The following PCDH15 variants were observed in gnomAD, a reference collection of about 807,000 sequenced individuals.
PCDH15 encodes the protein protocadherin related 15, also known as protocadherin-15.
A neutral mutation model predicts 178.5 loss-of-function variants in PCDH15; 129 were observed. The observed-to-expected ratio is 0.72, with a 90% CI of 0.63 to 0.84. The LOEUF is 0.84. Among genes scored for constraint, PCDH15 ranks in the 40% least tolerant of loss-of-function variants. PCDH15 has a pLI of 0.00. For synonymous variants in PCDH15, 800 were observed against 732.0 expected, an observed-to-expected ratio of 1.09 and a Z score of -1.50; for missense variants, 2,230 against 2,099.9, an observed-to-expected ratio of 1.06 and a Z score of -1.21.
rs1198736187 is a variant in PCDH15, at chr10:54,111,901, TA to T, written c.1917+20973del. 2.0e-5 allele frequency among the ~76,000 whole-genome samples: 3 copies of T among 147,540 alleles called. No homozygotes were observed. The Admixed American group carries it at 2.1e-4, about 10-fold the overall frequency. On this transcript the variant is annotated intron_variant, in intron 15 of 37. Transcript: ENST00000644397. ...CAGCAGTTTGGGAGGCCAAGGCAGG[TA>T]GATCACTTGAGGTCAGGAGTTCAAG...
chr10:54,680,613 A>T (rs1218548784), intron 1 of PCDH15, among the ~76,000 whole-genome samples: 5 of 152,156 alleles, frequency 3.3e-5, no homozygotes, highest in African/African-American at 1.2e-4. Context: ...GGGTGGGGCC[A>T]GGTGAAGATA....
intron 13 of PCDH15, among the ~76,000 whole-genome samples, chr10:54,173,228 C>A (rs1225939723): frequency 2.0e-5 from 3 of 152,020 alleles, no homozygotes; most frequent in Non-Finnish European, 2.9e-5. Flanking sequence ...ATATAATTTG[C>A]CTTTCTTCAT....
chr10:54,328,259 T>C (rs1362806903), intron 7 of PCDH15, among the ~76,000 whole-genome samples: 1 of 152,020 alleles, frequency 6.6e-6, no homozygotes, highest in Non-Finnish European at 1.5e-5. Flanking sequence ...TCTTAATGGT[T>C]TATTTTGCTT....
chr10:54,333,042 C>A (rs1940187745), intron 6 of PCDH15, among the ~76,000 whole-genome samples: 3 of 152,102 alleles, frequency 2.0e-5, no homozygotes, highest in Non-Finnish European at 2.9e-5. Flanking sequence ...CTCCTGGGTT[C>A]AAGCGATTCT....
At chr10:55,326,902 A>G (rs755811575) in intron 2 of PCDH15, among the ~76,000 whole-genome samples, 1 of 152,138 alleles carries the variant, frequency 6.6e-6, no homozygotes, top group Non-Finnish European at 1.5e-5. Context: ...AATACTTTCT[A>G]AACAAATGAT....
At chr10:54,531,743 T>C (rs1386161217) in intron 2 of PCDH15, among the ~76,000 whole-genome samples, 1 of 152,178 alleles carries the variant, frequency 6.6e-6, no homozygotes, top group Non-Finnish European at 1.5e-5. Flanking sequence ...AACTTGTGTA[T>C]TGAATTTCCT....
intron 1 of PCDH15, among the ~76,000 whole-genome samples, chr10:55,238,383 C>G (rs1841450680): frequency 6.6e-6 from 1 of 152,036 alleles, no homozygotes; most frequent in Admixed American, 6.6e-5. Context: ...ATCTCCTGAC[C>G]TCGTGATCCG....
intron 26 of PCDH15, among the ~76,000 whole-genome samples, chr10:53,877,398 A>T (rs1282861542): frequency 6.6e-6 from 1 of 152,212 alleles, no homozygotes; most frequent in African/African-American, 2.4e-5. Context: ...CTTGAGAGGA[A>T]ACACTAGTTT....
intron 13 of PCDH15, among the ~76,000 whole-genome samples, chr10:54,164,088 T>G (rs1384958277): frequency 1.3e-5 from 2 of 152,204 alleles, no homozygotes; most frequent in Admixed American, 6.5e-5. Flanking sequence ...TGCATTCATA[T>G]GCAGAAGCTT....
chr10:53,856,733 A>G (rs1419158263), intron 28 of PCDH15, among the ~76,000 whole-genome samples: 1 of 152,114 alleles, frequency 6.6e-6, no homozygotes, highest in Non-Finnish European at 1.5e-5. Context: ...AAATCTTCAC[A>G]TATTTCCAAT....
intron 2 of PCDH15, among the ~76,000 whole-genome samples, chr10:55,531,112 T>C (rs981846049): frequency 6.6e-6 from 1 of 152,008 alleles, no homozygotes; most frequent in Admixed American, 6.6e-5. Context: ...GTCTACTAGT[T>C]ACTAACTGGA....
chr10:54,410,957 T>C (rs1318003535), intron 3 of PCDH15, among the ~76,000 whole-genome samples: 1 of 152,142 alleles, frequency 6.6e-6, no homozygotes, highest in Non-Finnish European at 1.5e-5. Context: ...TAGGAATAGC[T>C]GGAATAATAC....
chr10:55,287,298 CACCT>C (rs913445886), intron 1 of PCDH15, among the ~76,000 whole-genome samples: 3 of 151,984 alleles, frequency 2.0e-5, no homozygotes, highest in Non-Finnish European at 4.4e-5. Flanking sequence ...TTGTTATATT[CACCT>C]ACATAGCCCC....
chr10:55,354,129 CT>C (rs1176494032), intron 2 of PCDH15, among the ~76,000 whole-genome samples: 6 of 151,918 alleles, frequency 3.9e-5, no homozygotes, highest in Admixed American at 3.9e-4. Context: ...CAAAATATCA[CT>C]GAGTAAAGTA....
chr10:54,579,678 C>T (rs1338018878), intron 2 of PCDH15, among the ~76,000 whole-genome samples: 1 of 151,982 alleles, frequency 6.6e-6, no homozygotes, highest in Non-Finnish European at 1.5e-5. Flanking sequence ...ACAGAATATA[C>T]ATTCCTCTCA....
At chr10:55,310,474 A>G (rs748407601) in intron 1 of PCDH15, among the ~76,000 whole-genome samples, 18 of 152,164 alleles carry the variant, frequency 1.2e-4, no homozygotes, top group Non-Finnish European at 1.8e-4. Flanking sequence ...TTCCCAATCC[A>G]GGCTAACTTT....
chr10:55,292,434 T>G (rs1412569517), intron 1 of PCDH15, among the ~76,000 whole-genome samples: 2 of 152,120 alleles, frequency 1.3e-5, no homozygotes, highest in East Asian at 3.9e-4. Flanking sequence ...CAGGCTGGAG[T>G]GCAATGGCAT....
intron 2 of PCDH15, among the ~76,000 whole-genome samples, chr10:55,088,012 C>T (rs1318081259): frequency 6.6e-6 from 1 of 151,962 alleles, no homozygotes; most frequent in Non-Finnish European, 1.5e-5. Context: ...GTTATAAAAA[C>T]TGGAACTAAT....
chr10:55,292,060 C>A (rs898085475), intron 1 of PCDH15, among the ~76,000 whole-genome samples: 1 of 152,098 alleles, frequency 6.6e-6, no homozygotes, highest in African/African-American at 2.4e-5. Flanking sequence ...TCCCCCCTAG[C>A]CCCTTCCAGA....
Sources: gnomAD v4.1 joint callset for allele counts (sites outside exome capture counted in the v4.1 genomes callset) on GRCh38, gnomAD v4.1.1 for gene constraint, MANE v1.5 for transcripts, NCBI Gene and HGNC (gene_info 2026-07-23, HGNC 2026-07-21) for gene names.